The following POU6F2 variants were observed in gnomAD, a reference collection of about 807,000 sequenced individuals.
The protein encoded by POU6F2 is POU class 6 homeobox 2, also known as POU domain, class 6, transcription factor 2.
Under a neutral mutation model 71.3 loss-of-function variants are expected in POU6F2, and 31 were observed. The observed-to-expected ratio is 0.43, with a 90% CI of 0.33 to 0.59. The LOEUF (loss-of-function observed/expected upper bound fraction) is 0.59. Among genes scored for constraint, POU6F2 ranks in the 20% least tolerant of loss-of-function variants. The pLI, the probability that POU6F2 is intolerant of heterozygous loss-of-function variation, is 0.04. For missense variants in POU6F2, 783 were observed against 856.8 expected, an observed-to-expected ratio of 0.91 and a Z score of 1.07; for synonymous variants, 347 against 355.7, an observed-to-expected ratio of 0.98 and a Z score of 0.27.
At chr7:39,254,828 G>C (rs1024264339) in intron 4 of POU6F2, among the ~76,000 whole-genome samples, 1 of 152,194 alleles carries the variant, frequency 6.6e-6, no homozygotes, top group African/African-American at 2.4e-5. Flanking sequence ...TCTTCTAAGA[G>C]AGGATTAATT....
At chr7:39,405,683 C>T (rs1342005083) in intron 5 of POU6F2, among the ~76,000 whole-genome samples, 5 of 152,144 alleles carry the variant, frequency 3.3e-5, no homozygotes, top group Non-Finnish European at 7.3e-5. Context: ...AACCTAAATG[C>T]AGATTTTAGT....
chr7:39,401,552 G>A (rs1207263671), intron 5 of POU6F2, among the ~76,000 whole-genome samples: 1 of 152,188 alleles, frequency 6.6e-6, no homozygotes, highest in Non-Finnish European at 1.5e-5. Context: ...AGGGTAAGAT[G>A]TGGAAGTACT....
At chr7:39,273,628 G>A (rs1487481905) in intron 4 of POU6F2, among the ~76,000 whole-genome samples, 2 of 151,956 alleles carry the variant, frequency 1.3e-5, no homozygotes, top group Non-Finnish European at 2.9e-5. Context: ...AGCACAAAGA[G>A]GATGTCAATG....
chr7:39,167,877 G>A (rs1469284705), intron 2 of POU6F2, among the ~76,000 whole-genome samples: 3 of 151,788 alleles, frequency 2.0e-5, no homozygotes, highest in African/African-American at 7.2e-5. Flanking sequence ...AGTCACATAT[G>A]TTATACTTAT....
chr7:39,115,498 G>T (rs1474387082), intron 2 of POU6F2, among the ~76,000 whole-genome samples: 2 of 152,096 alleles, frequency 1.3e-5, no homozygotes, highest in Non-Finnish European at 2.9e-5. Context: ...AGAGCCTGCT[G>T]GTCTCCTTCA....
chr7:39,111,192 T>G (rs17171538), intron 2 of POU6F2, among the ~76,000 whole-genome samples: 2,613 of 152,252 alleles, frequency 0.017, 66 homozygotes, highest in African/African-American at 0.06. Context: ...TCTGCTACTT[T>G]GGTTCCAACA....
In POU6F2 at chr7:39,082,794, GCACACACA is replaced by G. The variant is rs35710081; in HGVS notation, c.106-3031_106-3024del. Among the ~76,000 whole-genome samples, 235 of 137,156 alleles carry G rather than the reference GCACACACA, an allele frequency of 1.7e-3. 2 individuals are homozygous for G. Among genetic ancestry groups the G allele is most frequent in the African/African-American group, 4.9e-3 (179 of 36,234 alleles). 90.0% of individuals were successfully genotyped at this position (137,156 alleles called of 152,430 possible). A position where few individuals can be genotyped will look rare whatever the true frequency, so the allele number is the denominator to read the frequency against. ...GGGGTTTGCTGTTTAACCATGTCATGCACACACACACACACACACACACACACACACAC... is the reference window on the plus strand; with the variant it reads ...GGGGTTTGCTGTTTAACCATGTCATGCACACACACACACACACACACACAC... On this transcript the variant is annotated intron_variant, in intron 1 of 9. Coordinates refer to ENST00000518318, the MANE Select transcript of POU6F2 (RefSeq NM_001370959.1).
intron 4 of POU6F2, among the ~76,000 whole-genome samples, chr7:39,337,719 T>C (rs1379908833): frequency 6.6e-6 from 1 of 152,232 alleles, no homozygotes; most frequent in East Asian, 1.9e-4. Context: ...TATATGCCCC[T>C]CCTGCTTTCC....
chr7:39,168,125 A>T (rs1393326401), intron 2 of POU6F2, among the ~76,000 whole-genome samples: 1 of 152,228 alleles, frequency 6.6e-6, no homozygotes, highest in Non-Finnish European at 1.5e-5. Context: ...TAGATCTTAT[A>T]AGAGATTTTT....
intron 2 of POU6F2, among the ~76,000 whole-genome samples, chr7:39,091,687 C>T (rs1468381231): frequency 6.6e-6 from 1 of 152,166 alleles, no homozygotes; most frequent in Non-Finnish European, 1.5e-5. Context: ...AGGTGCATTC[C>T]AGATTCAAGC....
At chr7:39,437,580 G>T (rs1253312323) in intron 7 of POU6F2, among the ~76,000 whole-genome samples, 3 of 151,958 alleles carry the variant, frequency 2.0e-5, no homozygotes. Flanking sequence ...CCAGCTCCTG[G>T]ATTCATTAAT....
chr7:39,120,313 G>T (rs1337285606), intron 2 of POU6F2, among the ~76,000 whole-genome samples: 1 of 152,116 alleles, frequency 6.6e-6, no homozygotes, highest in Non-Finnish European at 1.5e-5. Context: ...CTGTGTATCT[G>T]ATTCTAATGC....
intron 1 of POU6F2, among the ~76,000 whole-genome samples, chr7:39,043,140 A>C (rs932787051): frequency 5.3e-5 from 8 of 152,104 alleles, no homozygotes; most frequent in Admixed American, 2.0e-4. Context: ...TATTTATATC[A>C]TAGGAGTACA....
intron 8 of POU6F2, among the ~76,000 whole-genome samples, chr7:39,451,940 G>A (rs539467978): frequency 4.5e-4 from 68 of 152,300 alleles, no homozygotes; most frequent in Admixed American, 1.2e-3. Flanking sequence ...ATCAAGGACC[G>A]GGTTCCATCT....
At chr7:38,997,981 T>A (rs979604250) in intron 1 of POU6F2, among the ~76,000 whole-genome samples, 21 of 152,206 alleles carry the variant, frequency 1.4e-4, no homozygotes, top group African/African-American at 5.1e-4. Context: ...TCTGGGCACT[T>A]ACATCACAAC....
intron 4 of POU6F2, among the ~76,000 whole-genome samples, chr7:39,219,091 C>A (rs1332164371): frequency 1.3e-5 from 2 of 152,128 alleles, no homozygotes; most frequent in African/African-American, 2.4e-5. Context: ...TTATGTGGGG[C>A]TCCTGTAGAT....
intron 4 of POU6F2, among the ~76,000 whole-genome samples, chr7:39,307,079 G>C (rs1785061294): frequency 6.6e-6 from 1 of 152,218 alleles, no homozygotes; most frequent in Non-Finnish European, 1.5e-5. Flanking sequence ...ATGATGGCTT[G>C]AGAGATGTTG....
intron 2 of POU6F2, among the ~76,000 whole-genome samples, chr7:39,116,832 T>C (rs976598430): frequency 1.3e-5 from 2 of 152,214 alleles, no homozygotes; most frequent in Non-Finnish European, 2.9e-5. Flanking sequence ...GATTTTTGTC[T>C]TTACACTTCC....
intron 4 of POU6F2, among the ~76,000 whole-genome samples, chr7:39,224,376 C>CA (rs113802081): frequency 0.018 from 2,400 of 131,880 alleles, 52 homozygotes; most frequent in African/African-American, 0.057. Context: ...CACTTAAAAC[C>CA]AAAAAAAAAA....
Sources: gnomAD v4.1 joint callset for allele counts (sites outside exome capture counted in the v4.1 genomes callset) on GRCh38, gnomAD v4.1.1 for gene constraint, MANE v1.5 for transcripts, NCBI Gene and HGNC (gene_info 2026-07-23, HGNC 2026-07-21) for gene names.